ELAVL2: variants seen among roughly 807,000 people sequenced by gnomAD.
The protein encoded by ELAVL2 is ELAV like RNA binding protein 2.
Under a neutral mutation model 34.6 loss-of-function variants are expected in ELAVL2, and 4 were observed. The observed-to-expected ratio is 0.12, with a 90% CI of 0.06 to 0.26. The LOEUF (loss-of-function observed/expected upper bound fraction) is 0.26, where lower values mean the gene tolerates loss of function less well. Ranked by LOEUF, ELAVL2 falls within the 10% of genes least tolerant of loss-of-function variation. The pLI, the probability that ELAVL2 is intolerant of heterozygous loss-of-function variation, is 1.00. For missense variants in ELAVL2, 432 were observed against 442.8 expected (o/e 0.98, Z 0.22); for synonymous variants, 193 against 154.8 (o/e 1.25, Z -1.83).
At chr9:23,804,557 T>C (rs938307146) in intron 1 of ELAVL2, among the ~76,000 whole-genome samples, 2 of 152,228 alleles carry the variant, frequency 1.3e-5, no homozygotes, top group Non-Finnish European at 2.9e-5. Flanking sequence ...GGTTTTGCTA[T>C]TTCAAACAGT....
intron 1 of ELAVL2, among the ~76,000 whole-genome samples, chr9:23,799,185 A>C (rs971163139): frequency 6.6e-6 from 1 of 152,152 alleles, no homozygotes; most frequent in Non-Finnish European, 1.5e-5. Flanking sequence ...CTCTATCTCC[A>C]AACTACCTAC....
intron 1 of ELAVL2, among the ~76,000 whole-genome samples, chr9:23,824,288 T>C (rs1289988993): frequency 6.6e-6 from 1 of 152,082 alleles, no homozygotes; most frequent in Non-Finnish European, 1.5e-5. Context: ...GTGAAATAGG[T>C]GGGTACGTAG....
intron 1 of ELAVL2, among the ~76,000 whole-genome samples, chr9:23,773,938 G>A (rs142244529): frequency 8.6e-4 from 131 of 152,080 alleles, no homozygotes; most frequent in African/African-American, 3.0e-3. Flanking sequence ...TGGGCCTGGC[G>A]CAGTGGCTCA....
chr9:23,702,225 G>C (rs1025684461), intron 4 of ELAVL2, among the ~76,000 whole-genome samples: 1 of 152,076 alleles, frequency 6.6e-6, no homozygotes. Context: ...CTTCTGACTA[G>C]CTATATTTTA....
intron 3 of ELAVL2, among the ~76,000 whole-genome samples, chr9:23,710,436 A>G (rs149050790): frequency 6.6e-6 from 1 of 152,368 alleles, no homozygotes; most frequent in East Asian, 1.9e-4. Flanking sequence ...TGATTCATCA[A>G]TGGAAAGATC....
intron 1 of ELAVL2, among the ~76,000 whole-genome samples, chr9:23,805,080 G>A (rs702221): frequency 0.025 from 3,853 of 152,232 alleles, 132 homozygotes; most frequent in African/African-American, 0.089. Context: ...ACAAACCCCT[G>A]CTAGGAATTT....
chr9:23,723,281 T>C (rs1587718822), intron 3 of ELAVL2, among the ~76,000 whole-genome samples: 1 of 152,138 alleles, frequency 6.6e-6, no homozygotes, highest in Admixed American at 6.5e-5. Flanking sequence ...GGGACATGGA[T>C]GAAATTGGAA....
At chr9:23,746,808 T>C (rs1376488730) in intron 2 of ELAVL2, among the ~76,000 whole-genome samples, 2 of 136,044 alleles carry the variant, frequency 1.5e-5, no homozygotes, top group Admixed American at 1.5e-4. Flanking sequence ...TCTTTCCATG[T>C]AAACTGAAAA....
At chr9:23,830,315 A>G (rs1026181640), upstream of ELAVL2, 3 of 152,110 alleles carry the variant, frequency 2.0e-5, no homozygotes, top group African/African-American at 7.2e-5. Context: ...GATTCTTTAC[A>G]TTGCAAACAC....
At chr9:23,729,930 C>G (rs1416187771) in intron 3 of ELAVL2, among the ~76,000 whole-genome samples, 1 of 152,080 alleles carries the variant, frequency 6.6e-6, no homozygotes, top group East Asian at 1.9e-4. Flanking sequence ...AAGATGGATA[C>G]TACAGTCAGC....
intron 4 of ELAVL2, among the ~76,000 whole-genome samples, chr9:23,704,522 C>A (rs548880899): frequency 6.6e-6 from 1 of 152,092 alleles, no homozygotes; most frequent in Non-Finnish European, 1.5e-5. Context: ...GTAGTGTAAT[C>A]CTCCCTTGGA....
At chr9:23,826,542 CTT>C (rs1352764198), upstream of ELAVL2, among the ~76,000 whole-genome samples, 7 of 152,204 alleles carry the variant, frequency 4.6e-5, no homozygotes, top group Admixed American at 2.0e-4. Flanking sequence ...GAGGTACACT[CTT>C]AACACTGGCG....
the ELAVL2 span, among the ~76,000 whole-genome samples, chr9:23,834,530 A>G: frequency 6.6e-6 from 1 of 152,050 alleles, no homozygotes; most frequent in African/African-American, 2.4e-5. Flanking sequence ...AAAATACTCA[A>G]AACTTCCTGA....
intron 1 of ELAVL2, among the ~76,000 whole-genome samples, chr9:23,806,523 A>G (rs1013783488): frequency 1.3e-5 from 2 of 151,954 alleles, no homozygotes; most frequent in African/African-American, 4.8e-5. Context: ...TATAGACCCA[A>G]CTACTCAGGA....
intron 2 of ELAVL2, among the ~76,000 whole-genome samples, chr9:23,752,813 G>A (rs1394206889): frequency 1.3e-5 from 2 of 152,006 alleles, no homozygotes; most frequent in Non-Finnish European, 2.9e-5. Context: ...CCCCTTAAAG[G>A]AGGCATAAGG....
At chr9:23,799,319 C>A (rs1392787506) in intron 1 of ELAVL2, among the ~76,000 whole-genome samples, 1 of 152,186 alleles carries the variant, frequency 6.6e-6, no homozygotes, top group African/African-American at 2.4e-5. Flanking sequence ...AGGAGAAAAG[C>A]AATCCTATCT....
intron 1 of ELAVL2, among the ~76,000 whole-genome samples, chr9:23,769,959 T>C (rs1012771705): frequency 4.6e-5 from 7 of 152,124 alleles, no homozygotes; most frequent in Non-Finnish European, 8.8e-5. Flanking sequence ...TCAGTCTAAG[T>C]CCATTACAGG....
chr9:23,715,143 C>A (rs951046883), intron 3 of ELAVL2, among the ~76,000 whole-genome samples: 8 of 152,272 alleles, frequency 5.3e-5, no homozygotes, highest in African/African-American at 1.9e-4. Flanking sequence ...TGAACGTATA[C>A]ATTCCATGGC....
intron 5 of ELAVL2, among the ~76,000 whole-genome samples, chr9:23,698,857 C>T (rs922624740): frequency 6.6e-6 from 1 of 152,154 alleles, no homozygotes; most frequent in Non-Finnish European, 1.5e-5. Flanking sequence ...TCTTCCAACA[C>T]ACCCAATCTA....
Sources: allele counts gnomAD v4.1 joint callset (sites outside exome capture counted in the v4.1 genomes callset), GRCh38; gene constraint gnomAD v4.1.1; transcripts MANE v1.5; gene names NCBI Gene and HGNC (gene_info 2026-07-23, HGNC 2026-07-21).